ADCY5: variants seen among roughly 807,000 people sequenced by gnomAD.
The protein encoded by ADCY5 is adenylate cyclase type 5.
In ADCY5, 30 loss-of-function variants were observed where a neutral mutation model predicts 119.7. That is an observed-to-expected ratio of 0.25 (90% CI 0.19 to 0.34). ADCY5 has a LOEUF of 0.34. Among genes scored for constraint, ADCY5 ranks in the 10% least tolerant of loss-of-function variants. The pLI, the probability that ADCY5 is intolerant of heterozygous loss-of-function variation, is 1.00. For missense variants in ADCY5, 1,324 were observed against 1,775.2 expected, an observed-to-expected ratio of 0.75 and a Z score of 4.57; for synonymous variants, 753 against 762.2, an observed-to-expected ratio of 0.99 and a Z score of 0.20.
intron 12 of ADCY5, among the ~76,000 whole-genome samples, chr3:123,310,488 G>A (rs987082198): frequency 1.3e-5 from 2 of 152,200 alleles, no homozygotes; most frequent in Non-Finnish European, 2.9e-5. Flanking sequence ...ACCCCTTGCA[G>A]GGTTATCACT....
chr3:123,446,304 G>A (rs1042870432), intron 1 of ADCY5, among the ~76,000 whole-genome samples: 2 of 152,228 alleles, frequency 1.3e-5, no homozygotes, highest in East Asian at 3.8e-4. Context: ...GGGAGACAGA[G>A]GAAGGCAATG....
intron 14 of ADCY5, among the ~76,000 whole-genome samples, chr3:123,300,964 A>C (rs1939813110): frequency 6.6e-6 from 1 of 152,148 alleles, no homozygotes; most frequent in Non-Finnish European, 1.5e-5. Context: ...AATCTGAAAA[A>C]TTCTGAAGAC....
chr3:123,347,621 T>C (rs1942619958), intron 3 of ADCY5, among the ~76,000 whole-genome samples, 161 bp downstream of exon 3: 1 of 152,098 alleles, frequency 6.6e-6, no homozygotes, highest in African/African-American at 2.4e-5. Context: ...ATTCACTCAT[T>C]TAACACACCT....
Position 123,447,664 on chromosome 3 carries a change from G to A in ADCY5, c.882C>T (p.His294=). The A allele has an allele frequency of 1.2e-6, 2 of 1,606,940 alleles. No individual in the cohort carries two copies. Among genetic ancestry groups the A allele is most frequent in the Admixed American group, 1.7e-5 (1 of 59,598 alleles). The change falls in exon 1 of 21, where the codon CAC becomes CAT. Residue 294 remains histidine (H), a synonymous_variant. Coordinates refer to ENST00000462833, the MANE Select transcript of ADCY5 (RefSeq NM_183357.3). Reference sequence around the variant, plus strand: ...AGCAGGCCAGGCCCATGTGGTCCTGGTGGAAGGCGGCGCGGTTGCAAAGCA... The same window carrying A: ...AGCAGGCCAGGCCCATGTGGTCCTGATGGAAGGCGGCGCGGTTGCAAAGCA... ...MAVLCNRAAF[H]QDHMGLACYA...
chr3:123,326,000 C>T (rs1941467713), intron 7 of ADCY5, among the ~76,000 whole-genome samples: 1 of 152,204 alleles, frequency 6.6e-6, no homozygotes, highest in Non-Finnish European at 1.5e-5. Context: ...TCAGGCTTTG[C>T]TCATGGGCAG....
chr3:123,369,769 G>T (rs1216395008), intron 1 of ADCY5, among the ~76,000 whole-genome samples: 1 of 152,150 alleles, frequency 6.6e-6, no homozygotes, highest in Non-Finnish European at 1.5e-5. Flanking sequence ...GGTCCTATGA[G>T]GTTTCTTTCT....
intron 1 of ADCY5, among the ~76,000 whole-genome samples, chr3:123,400,361 C>G (rs1944717637): frequency 6.6e-6 from 1 of 152,190 alleles, no homozygotes; most frequent in Admixed American, 6.5e-5. Context: ...TTTTGTACAG[C>G]AATTTGGCAA....
chr3:123,369,987 A>G (rs1943577677), intron 1 of ADCY5, among the ~76,000 whole-genome samples: 1 of 152,178 alleles, frequency 6.6e-6, no homozygotes, highest in Non-Finnish European at 1.5e-5. Flanking sequence ...CGGCCACGGG[A>G]AGCACTGACT....
At chr3:123,296,507 G>A (rs911232541) in intron 16 of ADCY5, among the ~76,000 whole-genome samples, 2 of 152,122 alleles carry the variant, frequency 1.3e-5, no homozygotes, top group African/African-American at 4.8e-5. Flanking sequence ...TCAGATCAGG[G>A]GATGAACTTA....
At chr3:123,387,728 A>T (rs1281968753) in intron 1 of ADCY5, among the ~76,000 whole-genome samples, 1 of 152,238 alleles carries the variant, frequency 6.6e-6, no homozygotes, top group Non-Finnish European at 1.5e-5. Context: ...TTAGGCAAAC[A>T]TGTACTAAAC....
At position 123,423,231 on chromosome 3, in the gene ADCY5, G is replaced by A. The variant is rs554298365; in HGVS notation, c.1134+24181C>T. 5.9e-5 allele frequency among the ~76,000 whole-genome samples: 9 copies of A among 152,190 alleles called. No individual in the cohort carries two copies. In the South Asian group the frequency reaches 6.2e-4, roughly 11 times the overall value. ...CCTTACTCATGCCCACGCTGGGCAC[G>A]AGCCCAAGCTGGGCACAAGCTCCAC... On this transcript the variant is annotated intron_variant, in intron 1 of 20. Coordinates refer to ENST00000462833, the MANE Select transcript of ADCY5 (RefSeq NM_183357.3).
At chr3:123,404,188 T>C (rs995369309) in intron 1 of ADCY5, 1 of 152,212 alleles carries the variant, frequency 6.6e-6, no homozygotes. Flanking sequence ...GTGTCTGAGT[T>C]ACAATGTCAC....
intron 1 of ADCY5, among the ~76,000 whole-genome samples, chr3:123,365,803 G>T (rs1943417054): frequency 6.6e-6 from 1 of 152,170 alleles, no homozygotes. Context: ...GACTCTGGAT[G>T]TTTGGCAGTG....
In ADCY5 at chr3:123,286,792, C is replaced by T. The variant is rs758210719; in HGVS notation, c.3550G>A (p.Val1184Met). ...CGTGCCCCTATCACCCCGGCCACCA[C>T]GGGGCCGATGTTGAGCCCTGCAGGG... The part of the protein sequence containing the change: ...QMKIGLNIGP[V>M]VAGVIGARKP... Residue 1184 changes from valine to methionine, a missense_variant, in exon 20 of 21, where the codon GTG (valine) becomes ATG (methionine). Around this residue, in one of 6 missense-constraint regions of ADCY5, gnomAD observed 178 missense variants for 329.6 expected, o/e 0.54. Coordinates refer to ENST00000462833, the MANE Select transcript of ADCY5 (RefSeq NM_183357.3). The surrounding 1 kb of genome is among the most constrained non-coding windows in gnomAD (Gnocchi z 4.2). The T allele has an allele frequency of 5.6e-6, 9 of 1,608,832 alleles. No individual in the cohort carries two copies. The highest frequency in any genetic ancestry group is 1.1e-5 in the South Asian group (1 of 90,224).
chr3:123,337,012 C>T (rs1369208211), intron 3 of ADCY5, among the ~76,000 whole-genome samples: 1 of 152,166 alleles, frequency 6.6e-6, no homozygotes, highest in African/African-American at 2.4e-5. Flanking sequence ...TCCCTGGTGA[C>T]TGCACTATGT....
At chr3:123,354,076 C>T (rs577346539) in intron 1 of ADCY5, among the ~76,000 whole-genome samples, 1 of 152,296 alleles carries the variant, frequency 6.6e-6, no homozygotes, top group South Asian at 2.1e-4. Flanking sequence ...CTCCCATATC[C>T]TTCCACTCCA....
At chr3:123,362,543 C>T (rs761367148) in intron 1 of ADCY5, among the ~76,000 whole-genome samples, 10 of 152,110 alleles carry the variant, frequency 6.6e-5, no homozygotes, top group African/African-American at 1.7e-4. Context: ...CCACGCTTTG[C>T]GCAACCGGAG....
intron 1 of ADCY5, among the ~76,000 whole-genome samples, chr3:123,382,035 G>GA (rs5852332): frequency 0.18 from 27,635 of 152,026 alleles, 2,852 homozygotes; most frequent in Middle Eastern, 0.25. Flanking sequence ...ATCTCCTGGG[G>GA]CCCCCCTGTT....
chr3:123,436,815 C>T, intron 1 of ADCY5, among the ~76,000 whole-genome samples: 1 of 152,290 alleles, frequency 6.6e-6, no homozygotes, highest in Admixed American at 6.5e-5. Flanking sequence ...CACATGCTAT[C>T]AAATGGAAGA....
Sources: allele counts gnomAD v4.1 joint callset (sites outside exome capture counted in the v4.1 genomes callset), GRCh38; gene constraint gnomAD v4.1.1; regional missense constraint gnomAD v4.1.1; non-coding constraint Gnocchi (gnomAD v3.1); transcripts MANE v1.5; gene names NCBI Gene and HGNC (gene_info 2026-07-23, HGNC 2026-07-21).